ERC1: variants seen among roughly 807,000 people sequenced by gnomAD.
ERC1 encodes RAB6 interacting protein 2.
Under a neutral mutation model 132.0 loss-of-function variants are expected in ERC1, and 56 were observed. That is an observed-to-expected ratio of 0.42 (90% CI 0.34 to 0.53). The LOEUF (loss-of-function observed/expected upper bound fraction) is 0.53. Among genes scored for constraint, ERC1 ranks in the 20% least tolerant of loss-of-function variants. The probability of loss-of-function intolerance (pLI) is 0.03; values close to 1 mark genes in which losing one functional copy is unlikely to be tolerated. For missense variants in ERC1, 1,202 were observed against 1,349.9 expected (o/e 0.89, Z 1.72); for synonymous variants, 478 against 476.1 (o/e 1.00, Z -0.05).
At chr12:1,121,319 G>A (rs1417782517) in intron 7 of ERC1, among the ~76,000 whole-genome samples, 1 of 152,192 alleles carries the variant, frequency 6.6e-6, no homozygotes, top group Non-Finnish European at 1.5e-5. Context: ...ATTAGTTTTG[G>A]GACTGGAATT....
At chr12:1,186,642 T>A (rs1955124565) in intron 11 of ERC1, among the ~76,000 whole-genome samples, 1 of 152,198 alleles carries the variant, frequency 6.6e-6, no homozygotes, top group Non-Finnish European at 1.5e-5. Flanking sequence ...TCTGCATTTT[T>A]AAAGCATAGG....
chr12:1,144,636 G>GTA (rs1353092300), intron 8 of ERC1, among the ~76,000 whole-genome samples: 7 of 137,708 alleles, frequency 5.1e-5, no homozygotes, highest in African/African-American at 1.9e-4. Flanking sequence ...ATATATATAC[G>GTA]TGTATATATA....
chr12:1,314,888 A>C (rs1285904966), intron 15 of ERC1, among the ~76,000 whole-genome samples: 2 of 152,134 alleles, frequency 1.3e-5, no homozygotes, highest in East Asian at 3.9e-4. Flanking sequence ...CTTTACTACA[A>C]CCAGTCTTCC....
intron 17 of ERC1, among the ~76,000 whole-genome samples, chr12:1,411,812 T>G (rs1387029595): frequency 1.3e-5 from 2 of 152,204 alleles, no homozygotes; most frequent in African/African-American, 4.8e-5. Context: ...ATTATATTTT[T>G]GTCGCAAATC....
chr12:1,165,362 G>T (rs1020740193), intron 8 of ERC1, among the ~76,000 whole-genome samples: 1 of 151,592 alleles, frequency 6.6e-6, no homozygotes, highest in African/African-American at 2.4e-5. Context: ...CTGGAGTGCA[G>T]TGGCGCGATC....
intron 14 of ERC1, 117 bp from the exon 15 acceptor site, chr12:1,289,735 T>C (rs2079303995): frequency 2.8e-6 from 2 of 708,300 alleles, no homozygotes; most frequent in African/African-American, 1.8e-5. Flanking sequence ...GTACAGAATT[T>C]TCAATGTGTT....
At chr12:1,393,607 CGTGTGTGTGTGT>C (rs34533745) in intron 16 of ERC1, among the ~76,000 whole-genome samples, 1,557 of 140,148 alleles carry the variant, frequency 0.011, 23 homozygotes, top group African/African-American at 0.031. Context: ...AGAGAACACA[CGTGTGTGTGTGT>C]GTGTGTGTGT....
At chr12:1,387,208 G>A (rs1045759293) in intron 16 of ERC1, among the ~76,000 whole-genome samples, 2 of 151,940 alleles carry the variant, frequency 1.3e-5, no homozygotes, top group Admixed American at 1.3e-4. Flanking sequence ...AGATTAATTA[G>A]ATGAGGAGAT....
intron 15 of ERC1, among the ~76,000 whole-genome samples, chr12:1,355,831 GT>G (rs1316659664): frequency 6.6e-6 from 1 of 151,974 alleles, no homozygotes; most frequent in Non-Finnish European, 1.5e-5. Context: ...ACATGATGAA[GT>G]TAATTCCGTC....
intron 12 of ERC1, chr12:1,203,856 A>C (rs2154286591): frequency 6.6e-6 from 1 of 152,496 alleles, no homozygotes; most frequent in Non-Finnish European, 1.5e-5. Flanking sequence ...ATTGATGTAA[A>C]CAAGCCTGTG....
At chr12:1,467,424 G>T (rs1174899323) in intron 18 of ERC1, among the ~76,000 whole-genome samples, 1 of 152,080 alleles carries the variant, frequency 6.6e-6, no homozygotes, top group Non-Finnish European at 1.5e-5. Context: ...AAAAAGGGAG[G>T]GACCCAATGG....
intron 16 of ERC1, among the ~76,000 whole-genome samples, chr12:1,406,406 T>TCTA (rs2091493313): frequency 6.6e-6 from 1 of 152,190 alleles, no homozygotes; most frequent in Non-Finnish European, 1.5e-5. Flanking sequence ...AGAGTAGAAT[T>TCTA]GGTGGACATA....
chr12:990,891 CGCGGA>C (rs1257484731), upstream of ERC1, among the ~76,000 whole-genome samples: 1 of 151,952 alleles, frequency 6.6e-6, no homozygotes, highest in Non-Finnish European at 1.5e-5. Context: ...ACCCTGCGCT[CGCGGA>C]GCCGACCCCG....
At chr12:1,050,557 CT>C (rs1565862860) in intron 2 of ERC1, among the ~76,000 whole-genome samples, 1 of 152,106 alleles carries the variant, frequency 6.6e-6, no homozygotes, top group Admixed American at 6.5e-5. Context: ...TTAACTGAAC[CT>C]TTTTTGTTTG....
chr12:1,070,527 C>T (rs1940149667), intron 2 of ERC1, among the ~76,000 whole-genome samples: 1 of 152,046 alleles, frequency 6.6e-6, no homozygotes, highest in South Asian at 2.1e-4. Context: ...CTCAAGCAGT[C>T]CTTCCTCCTC....
intron 16 of ERC1, among the ~76,000 whole-genome samples, chr12:1,402,464 A>T (rs2091149573): frequency 6.6e-6 from 1 of 151,922 alleles, no homozygotes; most frequent in Non-Finnish European, 1.5e-5. Flanking sequence ...CGGAGGTTGT[A>T]GTGAGCCGAG....
intron 15 of ERC1, among the ~76,000 whole-genome samples, chr12:1,351,531 C>T (rs1369379819): frequency 6.6e-6 from 1 of 152,162 alleles, no homozygotes; most frequent in African/African-American, 2.4e-5. Context: ...TCATTGTTCT[C>T]ATATGCATTT....
chr12:1,033,588 C>T (rs1052103066), intron 2 of ERC1, among the ~76,000 whole-genome samples: 6 of 151,946 alleles, frequency 3.9e-5, no homozygotes, highest in East Asian at 1.9e-4. Context: ...CTCACCCTCC[C>T]GAGTGGCCAG....
At chr12:996,982 G>A (rs892765086) in intron 1 of ERC1, among the ~76,000 whole-genome samples, 1 of 152,100 alleles carries the variant, frequency 6.6e-6, no homozygotes, top group Admixed American at 6.6e-5. Flanking sequence ...GCGATGGTGC[G>A]GTTATAGCTT....
Sources: allele counts gnomAD v4.1 joint callset (sites outside exome capture counted in the v4.1 genomes callset), GRCh38; gene constraint gnomAD v4.1.1; transcripts MANE v1.5; gene names NCBI Gene and HGNC (gene_info 2026-07-23, HGNC 2026-07-21).